The following PUM2 variants were observed in gnomAD, a reference collection of about 807,000 sequenced individuals.
PUM2 encodes pumilio RNA binding family member 2, also known as pumilio homolog 2.
Under a neutral mutation model 124.5 loss-of-function variants are expected in PUM2, and 57 were observed. The observed-to-expected ratio is 0.46, with a 90% CI of 0.37 to 0.57. The LOEUF (loss-of-function observed/expected upper bound fraction) is 0.57, where lower values mean the gene tolerates loss of function less well. PUM2 is among the 20% of genes least tolerant of loss of function. PUM2 has a pLI of 0.00. For missense variants in PUM2, 1,065 were observed against 1,290.6 expected, an observed-to-expected ratio of 0.83 and a Z score of 2.68; for synonymous variants, 460 against 446.1, an observed-to-expected ratio of 1.03 and a Z score of -0.39.
intron 1 of PUM2, among the ~76,000 whole-genome samples, chr2:20,333,512 A>G (rs1432803991): frequency 6.6e-6 from 1 of 152,138 alleles, no homozygotes; most frequent in East Asian, 1.9e-4. Flanking sequence ...GTCTCAAAAA[A>G]AGAAAAGCAA....
intron 13 of PUM2, among the ~76,000 whole-genome samples, chr2:20,270,390 C>A (rs1558512740): frequency 6.6e-6 from 1 of 152,112 alleles, no homozygotes; most frequent in Non-Finnish European, 1.5e-5. Context: ...ACCATGATTA[C>A]TAAGGATTTA....
chr2:20,339,496 C>A lies in PUM2; in HGVS notation c.-19+11101G>T, dbSNP rs143295438. Among the ~76,000 whole-genome samples the A allele has an allele frequency of 3.8e-4, 58 of 152,290 alleles. No homozygotes were observed. In the East Asian group the frequency reaches 8.3e-3, roughly 22 times the overall value. On this transcript the variant is annotated intron_variant, in intron 1 of 20. Coordinates refer to ENST00000361078, the MANE Select transcript of PUM2 (RefSeq NM_015317.5). ...ACTCAATGCCTACTACAGTAAATAT[C>A]TTTAGCCTTACTTTTAATACATCAG...
At position 20,282,997 on chromosome 2, in the gene PUM2, T is replaced by C. The variant is rs374142156; in HGVS notation, c.1670A>G (p.Asn557Ser). The stretch of plus-strand genomic sequence containing the variant: ...TGAGCCTATAGCAGCACCCAAAGAG[T>C]TACCACTTCCAAAGCCAAGAGATGT... ...GSTSLGFGSGNSLGAAIGSAL... is the reference protein window; with the variant it reads ...GSTSLGFGSGSSLGAAIGSAL... The change falls in exon 12 of 21, where the codon AAC (asparagine) becomes AGC (serine). Residue 557 changes from asparagine to serine, a missense_variant. Asn to Ser is a conservative substitution (Grantham distance 46). This residue lies in a region of PUM2 where 968 missense variants were observed against 1,159.8 expected (regional missense o/e 0.83). Transcript: ENST00000361078. 3 of 1,613,922 alleles carry C rather than the reference T, an allele frequency of 1.9e-6. No homozygotes were observed. The highest frequency in any genetic ancestry group is 1.7e-6 in the Non-Finnish European group (2 of 1,179,980).
intron 1 of PUM2, among the ~76,000 whole-genome samples, chr2:20,335,165 C>T (rs1471252928): frequency 6.6e-6 from 1 of 152,132 alleles, no homozygotes; most frequent in East Asian, 1.9e-4. Context: ...GCTCAAGCAG[C>T]CCTCCTGCCT....
chr2:20,293,280 G>T (rs1674677740), intron 9 of PUM2, among the ~76,000 whole-genome samples: 1 of 152,184 alleles, frequency 6.6e-6, no homozygotes, highest in Non-Finnish European at 1.5e-5. Flanking sequence ...TCAAACACAG[G>T]TGTGTATATT....
At chr2:20,310,329 C>T (rs550983326) in intron 5 of PUM2, among the ~76,000 whole-genome samples, 1 of 152,108 alleles carries the variant, frequency 6.6e-6, no homozygotes, top group South Asian at 2.1e-4. Context: ...CGTATAACCT[C>T]TCACACAAAG....
At chr2:20,283,698 A>G (rs373840141) in intron 10 of PUM2, among the ~76,000 whole-genome samples, 1 of 152,142 alleles carries the variant, frequency 6.6e-6, no homozygotes, top group African/African-American at 2.4e-5. Flanking sequence ...TTTTTTCTCT[A>G]AATTTTACTC....
intron 1 of PUM2, among the ~76,000 whole-genome samples, chr2:20,329,483 G>A (rs1013778937): frequency 3.8e-4 from 58 of 151,416 alleles, no homozygotes; most frequent in African/African-American, 1.4e-3. Flanking sequence ...GGAAAATAAT[G>A]TAATTTGGAG....
chr2:20,304,202 T>C (rs1340374745), intron 7 of PUM2, among the ~76,000 whole-genome samples: 1 of 152,180 alleles, frequency 6.6e-6, no homozygotes, highest in Non-Finnish European at 1.5e-5. Flanking sequence ...CCCTTTTTGT[T>C]TGTTTATTCC....
intron 1 of PUM2, among the ~76,000 whole-genome samples, chr2:20,337,138 T>C (rs1005922943): frequency 6.6e-6 from 1 of 152,028 alleles, no homozygotes; most frequent in Non-Finnish European, 1.5e-5. Context: ...GGGAAGCAGA[T>C]TACACAGACT....
In PUM2 at chr2:20,309,369, G is replaced by A. The variant is rs371475126; in HGVS notation, c.519-785C>T. On this transcript the variant is annotated intron_variant, in intron 5 of 20. Transcript: ENST00000361078. ...CAGCTGAAACCATCAGAAAGAAATCGAAATGTATGACATTTATCAAAACTT... is the reference window on the plus strand; with the variant it reads ...CAGCTGAAACCATCAGAAAGAAATCAAAATGTATGACATTTATCAAAACTT... Among the ~76,000 whole-genome samples, 15 of 149,452 alleles carry A rather than the reference G, an allele frequency of 1.0e-4. 1 individual carries two copies. In the South Asian group the frequency reaches 1.9e-3, roughly 19 times the overall value.
chr2:20,261,810 G>T (rs1294527482), intron 14 of PUM2, among the ~76,000 whole-genome samples: 1 of 152,178 alleles, frequency 6.6e-6, no homozygotes, highest in Non-Finnish European at 1.5e-5. Flanking sequence ...TCGTACAGCT[G>T]TACAATGTGT....
At chr2:20,322,553 C>A (rs1344787906) in intron 2 of PUM2, among the ~76,000 whole-genome samples, 1 of 152,058 alleles carries the variant, frequency 6.6e-6, no homozygotes, top group East Asian at 1.9e-4. Flanking sequence ...AAGGCTGCAG[C>A]GAGCTATAAT....
In PUM2 at chr2:20,251,586, T is replaced by G; in HGVS notation, c.3194A>C (p.Ter1065SerextTer9). The G allele has an allele frequency of 6.2e-7, 1 of 1,611,156 alleles. No homozygotes were observed. The highest frequency in any genetic ancestry group is 2.2e-5 in the East Asian group (1 of 44,844). The change falls in exon 21 of 21, where the codon TAA (stop) becomes TCA (serine). Residue 1065 changes from the stop codon to serine (S), a stop_lost. Coordinates refer to ENST00000361078, the MANE Select transcript of PUM2 (RefSeq NM_015317.5). ...PIGGPPNGML[*>S] ...TCTTCTTTCTCTTGCTCCTGTAATT[T>G]ACAGCATTCCATTTGGTGGTCCTCC...
At chr2:20,301,641 G>A (rs1677001071) in intron 7 of PUM2, among the ~76,000 whole-genome samples, 1 of 151,980 alleles carries the variant, frequency 6.6e-6, no homozygotes, top group Admixed American at 6.6e-5. Context: ...GGCTTGGGGT[G>A]CAGTGGCATG....
At chr2:20,339,539 C>G (rs1686818200) in intron 1 of PUM2, among the ~76,000 whole-genome samples, 1 of 152,134 alleles carries the variant, frequency 6.6e-6, no homozygotes, top group African/African-American at 2.4e-5. Context: ...AAAAGCAAAG[C>G]CCAGTTTGTA....
At chr2:20,321,480 A>G (rs999970718) in intron 2 of PUM2, among the ~76,000 whole-genome samples, 5 of 152,082 alleles carry the variant, frequency 3.3e-5, no homozygotes, top group Non-Finnish European at 7.4e-5. Flanking sequence ...CACTCTACCA[A>G]AGGCCTTCAC....
At chr2:20,318,790 GT>G (rs1180029386) in intron 2 of PUM2, 145 bp from the exon 3 acceptor site, 1 of 534,006 alleles carries the variant, frequency 1.9e-6, no homozygotes, top group Non-Finnish European at 3.2e-6. Context: ...AAGCTGTTTT[GT>G]TAATAGTAAA....
At chr2:20,310,723 G>A (rs1357938956) in intron 5 of PUM2, among the ~76,000 whole-genome samples, 1 of 151,616 alleles carries the variant, frequency 6.6e-6, no homozygotes, top group Non-Finnish European at 1.5e-5. Context: ...ACTTTTTTAT[G>A]TAAGATTCCA....
Sources: gnomAD v4.1 joint callset for allele counts (sites outside exome capture counted in the v4.1 genomes callset) on GRCh38, gnomAD v4.1.1 for gene constraint, gnomAD v4.1.1 regional missense constraint, MANE v1.5 for transcripts, NCBI Gene and HGNC (gene_info 2026-07-23, HGNC 2026-07-21) for gene names.